SFXN5: variants seen among roughly 807,000 people sequenced by gnomAD.
The protein encoded by SFXN5 is sideroflexin-5.
A neutral mutation model predicts 50.2 loss-of-function variants in SFXN5; 43 were observed. The ratio of observed to expected loss-of-function variants is 0.86; its 90% CI spans 0.67 to 1.11. SFXN5 has a LOEUF of 1.11. Among genes scored for constraint, SFXN5 ranks in the 50% least tolerant of loss-of-function variants. The probability of loss-of-function intolerance (pLI) is 0.00; values close to 1 mark genes in which losing one functional copy is unlikely to be tolerated. For missense variants in SFXN5, 463 were observed against 454.1 expected (o/e 1.02, Z -0.18); for synonymous variants, 203 against 185.8 (o/e 1.09, Z -0.75).
At position 73,068,481 on chromosome 2, in the gene SFXN5, A is replaced by G. The variant is rs113680337; in HGVS notation, c.102+3123T>C. Among the ~76,000 whole-genome samples, 4 of 152,246 alleles carry G rather than the reference A, an allele frequency of 2.6e-5. 1 individual carries two copies. The highest frequency in any genetic ancestry group is 9.6e-5 in the African/African-American group (4 of 41,534). On this transcript the variant is annotated intron_variant, in intron 1 of 13. Transcript: ENST00000272433. ...ATGTCTCAGCACTGATGAACCTTAC[A>G]CTGTCAAACATGACACCACTTGCAA...
chr2:72,954,417 C>G (rs1024229127), intron 13 of SFXN5, among the ~76,000 whole-genome samples: 3 of 152,118 alleles, frequency 2.0e-5, no homozygotes, highest in African/African-American at 7.2e-5. Context: ...GGAAGGCAGA[C>G]GGCAGATGCC....
At chr2:73,055,004 A>G (rs1212510177) in intron 2 of SFXN5, among the ~76,000 whole-genome samples, 1 of 152,250 alleles carries the variant, frequency 6.6e-6, no homozygotes, top group Non-Finnish European at 1.5e-5. Context: ...CTGTCAGGGT[A>G]ATTCCCACAT....
intron 1 of SFXN5, among the ~76,000 whole-genome samples, chr2:73,066,431 G>A (rs936056039): frequency 1.3e-5 from 2 of 151,872 alleles, no homozygotes; most frequent in Non-Finnish European, 2.9e-5. Flanking sequence ...GGTGGCATGC[G>A]CCCGTAATCC....
chr2:73,069,546 C>T (rs1008166827), intron 1 of SFXN5, among the ~76,000 whole-genome samples: 7 of 152,192 alleles, frequency 4.6e-5, no homozygotes, highest in Non-Finnish European at 1.0e-4. Context: ...GAATCACATG[C>T]AACGTGCTTT....
intron 2 of SFXN5, among the ~76,000 whole-genome samples, chr2:73,054,218 G>A (rs1271267332): frequency 6.6e-6 from 1 of 152,184 alleles, no homozygotes; most frequent in Admixed American, 6.5e-5. Context: ...CTGGGGTACA[G>A]TGGGGAGGAG....
At chr2:72,988,188 G>A (rs1037748838) in intron 10 of SFXN5, 70 bp downstream of exon 10, 1 of 1,431,078 alleles carries the variant, frequency 7.0e-7, no homozygotes, top group Non-Finnish European at 9.7e-7. Flanking sequence ...AGGGTCATCT[G>A]TCTCCCTGGG....
chr2:73,013,673 G>C (rs1022363800), intron 6 of SFXN5, among the ~76,000 whole-genome samples: 1 of 151,886 alleles, frequency 6.6e-6, no homozygotes, highest in Non-Finnish European at 1.5e-5. Flanking sequence ...TACCTCTCTC[G>C]ATATATTTAT....
At chr2:72,980,381 T>A (rs1210068261) in intron 10 of SFXN5, among the ~76,000 whole-genome samples, 1 of 152,196 alleles carries the variant, frequency 6.6e-6, no homozygotes, top group Non-Finnish European at 1.5e-5. Flanking sequence ...CACACTCGAA[T>A]CACAGCAGAA....
intron 10 of SFXN5, among the ~76,000 whole-genome samples, chr2:72,986,724 A>G (rs1171630950): frequency 2.0e-5 from 3 of 152,250 alleles, no homozygotes; most frequent in East Asian, 3.9e-4. Flanking sequence ...CTTCTCCCCA[A>G]ACAAGGTGTA....
intron 10 of SFXN5, among the ~76,000 whole-genome samples, chr2:72,982,206 C>T (rs1018361083): frequency 7.2e-5 from 11 of 152,246 alleles, no homozygotes; most frequent in African/African-American, 1.2e-4. Flanking sequence ...ATTTTATAGA[C>T]GGGGCCATAA....
At chr2:73,066,035 A>G (rs1305697890) in intron 1 of SFXN5, among the ~76,000 whole-genome samples, 1 of 152,214 alleles carries the variant, frequency 6.6e-6, no homozygotes, top group Non-Finnish European at 1.5e-5. Context: ...CAGGTCTCAG[A>G]GGTTCCCTGG....
intron 1 of SFXN5, among the ~76,000 whole-genome samples, chr2:73,062,273 T>C (rs559016255): frequency 4.8e-4 from 73 of 152,276 alleles, no homozygotes; most frequent in Non-Finnish European, 8.1e-4. Flanking sequence ...GCCACAGGAA[T>C]CCATGAGTGG....
chr2:73,047,319 G>A (rs200563033), intron 2 of SFXN5, among the ~76,000 whole-genome samples: 7 of 99,076 alleles, frequency 7.1e-5, no homozygotes, highest in East Asian at 2.8e-4. Flanking sequence ...GTGTGTGTAT[G>A]TATATATATG....
intron 2 of SFXN5, among the ~76,000 whole-genome samples, chr2:73,046,119 G>A (rs1052356270): frequency 2.5e-4 from 38 of 152,094 alleles, no homozygotes; most frequent in Non-Finnish European, 3.8e-4. Context: ...AACTAAAAGC[G>A]ATATGTTGGC....
At chr2:73,048,538 T>C (rs965197871) in intron 2 of SFXN5, among the ~76,000 whole-genome samples, 1 of 152,198 alleles carries the variant, frequency 6.6e-6, no homozygotes, top group African/African-American at 2.4e-5. Flanking sequence ...ATTGCACACA[T>C]ACATGGACCA....
chr2:72,972,792 T>C (rs1363898422), intron 10 of SFXN5, among the ~76,000 whole-genome samples: 1 of 152,262 alleles, frequency 6.6e-6, no homozygotes, highest in African/African-American at 2.4e-5. Flanking sequence ...TGCTAATTAA[T>C]GTCAATTAAT....
intron 10 of SFXN5, among the ~76,000 whole-genome samples, chr2:72,974,396 G>A (rs1007223993): frequency 7.9e-5 from 12 of 152,258 alleles, no homozygotes; most frequent in African/African-American, 1.4e-4. Context: ...TGAGATGAAA[G>A]ATGAAGCATG....
intron 2 of SFXN5, chr2:73,048,985 C>G (rs191974266): frequency 4.2e-4 from 64 of 152,304 alleles, no homozygotes; most frequent in African/African-American, 1.4e-3. Flanking sequence ...ATTAATGATC[C>G]TGGACAGAAT....
chr2:72,989,933 C>T (rs569922738), intron 9 of SFXN5, among the ~76,000 whole-genome samples: 31 of 152,342 alleles, frequency 2.0e-4, no homozygotes, highest in Non-Finnish European at 3.8e-4. Flanking sequence ...AGGTCTGGCA[C>T]GCCTGGCGGC....
Sources: gnomAD v4.1 joint callset for allele counts (sites outside exome capture counted in the v4.1 genomes callset) on GRCh38, gnomAD v4.1.1 for gene constraint, MANE v1.5 for transcripts, NCBI Gene and HGNC (gene_info 2026-07-23, HGNC 2026-07-21) for gene names.